The following WASF3 variants were observed in gnomAD, a reference collection of about 807,000 sequenced individuals.
The protein encoded by WASF3 is WASP family member 3, also known as actin-binding protein WASF3.
In WASF3, 11 loss-of-function variants were observed where a neutral mutation model predicts 46.6. The ratio of observed to expected loss-of-function variants is 0.24; its 90% CI spans 0.15 to 0.39. The LOEUF (loss-of-function observed/expected upper bound fraction) is 0.39. WASF3 is among the 10% of genes least tolerant of loss of function. The pLI is 1.00. For missense variants in WASF3, 576 were observed against 669.8 expected, an observed-to-expected ratio of 0.86 and a Z score of 1.55; for synonymous variants, 242 against 259.7, an observed-to-expected ratio of 0.93 and a Z score of 0.65.
chr13:26,636,324 C>T (rs1312225786), intron 2 of WASF3, among the ~76,000 whole-genome samples: 1 of 152,336 alleles, frequency 6.6e-6, no homozygotes, highest in African/African-American at 2.4e-5. Flanking sequence ...GAGCCAGGCA[C>T]GGGAGAGAAT....
chr13:26,687,781 A>C lies in WASF3; in HGVS notation c.*1936A>C, dbSNP rs1244795985. ...CTACTACATTGGCGCTATTCTTAGG[A>C]CTTCTGCAACTTTTAAAGTCTTACT... On this transcript the variant is annotated 3_prime_UTR_variant, in exon 10 of 10. Coordinates refer to ENST00000335327, the MANE Select transcript of WASF3 (RefSeq NM_006646.6). 1 of 139,582 alleles carries C rather than the reference A, an allele frequency of 7.2e-6. No individual in the cohort carries two copies. Among genetic ancestry groups the C allele is most frequent in the Non-Finnish European group, 1.5e-5 (1 of 65,188 alleles). The allele number at this position is 139,582 out of a possible 1,614,324, so 8.6% of individuals were successfully genotyped here. A position where few individuals can be genotyped will look rare whatever the true frequency, so the allele number is the denominator to read the frequency against.
At chr13:26,685,560 T>C in intron 9 of WASF3, 128 bp from the exon 10 acceptor site, 1 of 1,180,232 alleles carries the variant, frequency 8.5e-7, no homozygotes, top group Admixed American at 2.7e-5. Flanking sequence ...TTTTCTCCCC[T>C]CAAATTTCTA....
chr13:26,550,242 C>T, the WASF3 span, among the ~76,000 whole-genome samples: 1 of 152,072 alleles, frequency 6.6e-6, no homozygotes, highest in Non-Finnish European at 1.5e-5. Flanking sequence ...TATTGGAAAA[C>T]ATAGACTTAT....
intron 1 of WASF3, among the ~76,000 whole-genome samples, chr13:26,578,993 CTTTTT>C (rs200299739): frequency 1.3e-4 from 8 of 60,638 alleles, no homozygotes; most frequent in East Asian, 7.4e-4. Context: ...GATACATTTC[CTTTTT>C]TTTTTTTTTT....
intron 2 of WASF3, among the ~76,000 whole-genome samples, chr13:26,620,182 G>A (rs1227827481): frequency 6.6e-6 from 1 of 151,920 alleles, no homozygotes; most frequent in Admixed American, 6.6e-5. Flanking sequence ...AGCTGATTTT[G>A]TCTGGCTGAT....
upstream of WASF3, among the ~76,000 whole-genome samples, chr13:26,556,764 C>T (rs1879106386): frequency 2.6e-5 from 4 of 152,210 alleles, no homozygotes; most frequent in South Asian, 6.2e-4. Context: ...AGCAAACCAA[C>T]TTGAATTAGT....
chr13:26,605,678 T>C (rs974134613), intron 1 of WASF3, among the ~76,000 whole-genome samples: 5 of 152,176 alleles, frequency 3.3e-5, no homozygotes, highest in African/African-American at 1.2e-4. Context: ...GCCAGACCTG[T>C]CTACTGTGAA....
chr13:26,574,733 T>A (rs150822932), intron 1 of WASF3, among the ~76,000 whole-genome samples: 1,870 of 152,330 alleles, frequency 0.012, 93 homozygotes, highest in Admixed American at 0.096. Flanking sequence ...TATTGTTTGA[T>A]GTGTTTTTCT....
At chr13:26,587,683 A>G (rs1451369955) in intron 1 of WASF3, among the ~76,000 whole-genome samples, 2 of 152,204 alleles carry the variant, frequency 1.3e-5, no homozygotes, top group Non-Finnish European at 1.5e-5. Flanking sequence ...TGATGGGTTC[A>G]TGGGAGAAGA....
chr13:26,607,103 G>A (rs147208572), intron 1 of WASF3, among the ~76,000 whole-genome samples: 1 of 152,288 alleles, frequency 6.6e-6, no homozygotes, highest in East Asian at 1.9e-4. Context: ...ATAGGGTTTA[G>A]TACTATCCGC....
Position 26,671,960 on chromosome 13 carries a change from G to C in WASF3, c.511G>C (p.Asp171His). The C allele has an allele frequency of 6.2e-7, 1 of 1,611,574 alleles. No individual in the cohort carries two copies. The highest frequency in any genetic ancestry group is 1.1e-5 in the South Asian group (1 of 90,562). The change falls in exon 6 of 10, where the codon GAC becomes CAC. Residue 171 changes from aspartate to histidine, a missense_variant. This residue lies in a region of WASF3 where 213 missense variants were observed against 278.0 expected (regional missense o/e 0.77). Coordinates refer to ENST00000335327, the MANE Select transcript of WASF3 (RefSeq NM_006646.6). ...AGAAAAAATGCTACAGGACACAGAA[G>C]ACAAAAGGAAAGAGAAAAGGCGTCA... ...WKEKMLQDTE[D>H]KRKEKRRQKE...
At chr13:26,660,069 G>C (rs1010530928) in intron 3 of WASF3, among the ~76,000 whole-genome samples, 1 of 152,090 alleles carries the variant, frequency 6.6e-6, no homozygotes, top group African/African-American at 2.4e-5. Flanking sequence ...ATGGAAAAGA[G>C]AAGAGGTTGG....
intron 9 of WASF3, 91 bp from the exon 10 acceptor site, chr13:26,685,597 A>G: frequency 2.0e-6 from 3 of 1,474,952 alleles, no homozygotes; most frequent in South Asian, 1.4e-5. Context: ...GTGTCAGTAG[A>G]AAAAAAAGTC....
chr13:26,576,665 A>C (rs114690229), intron 1 of WASF3, among the ~76,000 whole-genome samples: 1,753 of 152,350 alleles, frequency 0.012, 38 homozygotes, highest in African/African-American at 0.04. Flanking sequence ...GAGAAGAGTC[A>C]TCTGAAGATC....
chr13:26,621,037 C>T (rs918171440), intron 2 of WASF3, among the ~76,000 whole-genome samples: 11 of 152,140 alleles, frequency 7.2e-5, no homozygotes, highest in African/African-American at 2.7e-4. Flanking sequence ...ACTCTTCCAT[C>T]CTCAAACGTC....
the WASF3 span, among the ~76,000 whole-genome samples, chr13:26,549,107 A>G: frequency 6.6e-6 from 1 of 151,100 alleles, no homozygotes; most frequent in Non-Finnish European, 1.5e-5. Context: ...TCAGCCTCCC[A>G]GGTAGCTGGG....
chr13:26,663,366 C>T (rs1319975992), intron 3 of WASF3, among the ~76,000 whole-genome samples: 2 of 152,156 alleles, frequency 1.3e-5, no homozygotes, highest in Non-Finnish European at 2.9e-5. Context: ...ATTCTGGATG[C>T]TGCAGCTAGT....
chr13:26,646,812 G>A (rs1882163523), intron 3 of WASF3, among the ~76,000 whole-genome samples: 2 of 152,182 alleles, frequency 1.3e-5, no homozygotes, highest in South Asian at 4.1e-4. Flanking sequence ...AACAGACCAG[G>A]ACTCCACAGG....
In WASF3 at chr13:26,665,066, G is replaced by A; in HGVS notation, c.172G>A (p.Glu58Lys). 6.2e-7 allele frequency: 1 copy of A among 1,614,114 alleles called. No individual in the cohort carries two copies. The highest frequency in any genetic ancestry group is 8.5e-7 in the Non-Finnish European group (1 of 1,179,964). ...AEDIFGELFNEANNFYIRANS... is the reference protein window; with the variant it reads ...AEDIFGELFNKANNFYIRANS... The stretch of plus-strand genomic sequence containing the variant: ...AGACATATTTGGTGAGTTGTTTAAT[G>A]AGGCTAACAACTTCTACATCAGAGC... The change falls in exon 4 of 10, where the codon GAG becomes AAG. Residue 58 changes from glutamate (E) to lysine (K), a missense_variant. Physicochemically the swap from Glu to Lys is moderately conservative, Grantham distance 56. Around this residue, in one of 3 missense-constraint regions of WASF3, gnomAD observed 213 missense variants for 278.0 expected, o/e 0.77. Coordinates refer to ENST00000335327, the MANE Select transcript of WASF3 (RefSeq NM_006646.6).
Sources: gnomAD v4.1 joint callset for allele counts (sites outside exome capture counted in the v4.1 genomes callset) on GRCh38, gnomAD v4.1.1 for gene constraint, gnomAD v4.1.1 regional missense constraint, MANE v1.5 for transcripts, NCBI Gene and HGNC (gene_info 2026-07-23, HGNC 2026-07-21) for gene names.